TRHDE: variants seen among roughly 807,000 people sequenced by gnomAD.
The protein encoded by TRHDE is thyrotropin-releasing hormone-degrading ectoenzyme.
TRHDE carries 72 observed loss-of-function variants against 125.7 expected under a neutral mutation model. The observed-to-expected ratio is 0.57, with a 90% CI of 0.47 to 0.70. The LOEUF (loss-of-function observed/expected upper bound fraction) is 0.70. Ranked by LOEUF, TRHDE falls within the 30% of genes least tolerant of loss-of-function variation. The pLI is 0.00. For missense variants in TRHDE, 1,110 were observed against 1,327.1 expected, an observed-to-expected ratio of 0.84 and a Z score of 2.54; for synonymous variants, 509 against 509.1, an observed-to-expected ratio of 1.00 and a Z score of 0.00.
intron 2 of TRHDE, among the ~76,000 whole-genome samples, chr12:72,326,440 C>T (rs1395725157): frequency 6.6e-6 from 1 of 152,150 alleles, no homozygotes; most frequent in African/African-American, 2.4e-5. Context: ...AGGACAAATA[C>T]CTAATGCATG....
At chr12:72,356,355 G>T (rs1870820349) in intron 2 of TRHDE, among the ~76,000 whole-genome samples, 2 of 151,508 alleles carry the variant, frequency 1.3e-5, no homozygotes, top group South Asian at 2.1e-4. Context: ...ACACAGAGAG[G>T]GGAACAACAG....
At chr12:72,598,066 G>T (rs928224009) in intron 12 of TRHDE, among the ~76,000 whole-genome samples, 1 of 151,568 alleles carries the variant, frequency 6.6e-6, no homozygotes, top group Non-Finnish European at 1.5e-5. Context: ...AATTGATTAT[G>T]TAACATACCT....
At chr12:72,371,731 T>A in intron 2 of TRHDE, among the ~76,000 whole-genome samples, 1 of 152,140 alleles carries the variant, frequency 6.6e-6, no homozygotes, top group Non-Finnish European at 1.5e-5. Flanking sequence ...TCATCCTTTT[T>A]TATGGCCGCA....
At chr12:72,508,095 G>A (rs1878431753) in intron 6 of TRHDE, among the ~76,000 whole-genome samples, 1 of 152,226 alleles carries the variant, frequency 6.6e-6, no homozygotes, top group South Asian at 2.1e-4. Flanking sequence ...TGGGTGTCCA[G>A]GTGGAAATCT....
intron 2 of TRHDE, among the ~76,000 whole-genome samples, chr12:72,159,519 C>T (rs1367523591): frequency 6.6e-6 from 1 of 152,148 alleles, no homozygotes; most frequent in East Asian, 1.9e-4. Context: ...TATTTGTTAA[C>T]CTTGAACTGC....
chr12:72,549,107 T>C (rs1869554424), intron 7 of TRHDE, among the ~76,000 whole-genome samples: 1 of 151,810 alleles, frequency 6.6e-6, no homozygotes, highest in Admixed American at 6.6e-5. Context: ...TGTAAGGCAA[T>C]GAGGTGTGGA....
At chr12:72,539,165 A>T (rs978203515) in intron 6 of TRHDE, among the ~76,000 whole-genome samples, 1 of 151,874 alleles carries the variant, frequency 6.6e-6, no homozygotes, top group Non-Finnish European at 1.5e-5. Flanking sequence ...GTCCCTCCAG[A>T]TATAACCTCT....
At chr12:72,345,920 G>A (rs1032177794) in intron 2 of TRHDE, among the ~76,000 whole-genome samples, 1 of 152,080 alleles carries the variant, frequency 6.6e-6, no homozygotes, top group African/African-American at 2.4e-5. Context: ...ATGTTCCTTG[G>A]TTGGGTGAAT....
chr12:72,343,963 T>C (rs1463001228), intron 2 of TRHDE, among the ~76,000 whole-genome samples: 1 of 151,766 alleles, frequency 6.6e-6, no homozygotes, highest in Non-Finnish European at 1.5e-5. Context: ...ATATTTAATC[T>C]CCTTTATCTA....
upstream of TRHDE, among the ~76,000 whole-genome samples, chr12:72,267,946 T>C (rs900969547): frequency 7.0e-5 from 10 of 141,920 alleles, no homozygotes; most frequent in Non-Finnish European, 6.0e-5. Flanking sequence ...GTAGTTCTTA[T>C]ATGAAACCCC....
At chr12:72,148,297 A>C (rs1876275301) in intron 2 of TRHDE, among the ~76,000 whole-genome samples, 1 of 152,212 alleles carries the variant, frequency 6.6e-6, no homozygotes. Context: ...AATATGTGAT[A>C]TTTCCAAGGC....
In TRHDE at chr12:72,642,556, G is replaced by T. The variant is rs140848448; in HGVS notation, c.2676-9766G>T. Among the ~76,000 whole-genome samples the T allele has an allele frequency of 2.8e-3, 425 of 152,074 alleles. 1 individual carries two copies. The highest frequency in any genetic ancestry group is 9.6e-3 in the African/African-American group (400 of 41,480). ...TTTATTTTGGCTAAGCATTACCCCG[G>T]GATTCATCTTGTATGAGGGTAGCTA... is the stretch of plus-strand genomic sequence containing the variant. On this transcript the variant is annotated intron_variant, in intron 15 of 18. Transcript: ENST00000261180.
chr12:72,589,726 A>G (rs1871590878), intron 12 of TRHDE, among the ~76,000 whole-genome samples: 1 of 152,050 alleles, frequency 6.6e-6, no homozygotes, highest in South Asian at 2.1e-4. Context: ...TATTCTTATA[A>G]TGTCTTATGA....
At chr12:72,268,486 A>G (rs1879119485), upstream of TRHDE, among the ~76,000 whole-genome samples, 1 of 152,102 alleles carries the variant, frequency 6.6e-6, no homozygotes, top group African/African-American at 2.4e-5. Flanking sequence ...TAACATATTG[A>G]GAAATTGAGT....
At position 72,667,430 on chromosome 12, in the gene TRHDE, A is replaced by T. The variant is rs956395777; in HGVS notation, c.*4235A>T. 1.3e-5 allele frequency: 2 copies of T among 151,754 alleles called. No individual in the cohort carries two copies. The highest frequency in any genetic ancestry group is 2.9e-5 in the Non-Finnish European group (2 of 67,808). 9.4% of individuals were successfully genotyped at this position (151,754 alleles called of 1,614,324 possible). ...ACATAAGAATATATATTGTATAGAT[A>T]CAATATATAACTATACTTAAAGAAA... On this transcript the variant is annotated 3_prime_UTR_variant, in exon 19 of 19. Coordinates refer to ENST00000261180, the MANE Select transcript of TRHDE (RefSeq NM_013381.3).
intron 3 of TRHDE, among the ~76,000 whole-genome samples, chr12:72,397,446 C>T (rs878905787): frequency 3.9e-5 from 6 of 152,214 alleles, no homozygotes; most frequent in South Asian, 2.1e-4. Context: ...ACACAAGTCA[C>T]GCTACATGAG....
In TRHDE at chr12:72,285,530, T is replaced by TG. The variant is rs1879849579; in HGVS notation, c.915-1151_915-1150insG. ...AGTGTCCTTTTTTTCTTCTTTTTTT[T>TG]TTTTTTTTTGAGACAGGGTCTCGCT... On this transcript the variant is annotated intron_variant, in intron 1 of 18. Coordinates refer to ENST00000261180, the MANE Select transcript of TRHDE (RefSeq NM_013381.3). Among the ~76,000 whole-genome samples, 11 of 149,858 alleles carry TG rather than the reference T, an allele frequency of 7.3e-5. No homozygotes were observed. In the South Asian group the frequency reaches 2.1e-3, roughly 29 times the overall value.
At chr12:72,365,339 T>C (rs1175712386) in intron 2 of TRHDE, among the ~76,000 whole-genome samples, 2 of 152,038 alleles carry the variant, frequency 1.3e-5, no homozygotes, top group Non-Finnish European at 2.9e-5. Context: ...TTGGAATATA[T>C]ATGATTCAAC....
chr12:72,288,798 G>T (rs561441363), intron 2 of TRHDE, among the ~76,000 whole-genome samples: 1 of 152,078 alleles, frequency 6.6e-6, no homozygotes, highest in Non-Finnish European at 1.5e-5. Context: ...CTTTTTGTTA[G>T]AGTTAAGAAT....
Sources: allele counts gnomAD v4.1 joint callset (sites outside exome capture counted in the v4.1 genomes callset), GRCh38; gene constraint gnomAD v4.1.1; transcripts MANE v1.5; gene names NCBI Gene and HGNC (gene_info 2026-07-23, HGNC 2026-07-21).